Variants in AGR3 observed in about 807,000 individuals in gnomAD.
AGR3 encodes anterior gradient 3, protein disulphide isomerase family member.
Under a neutral mutation model 24.5 loss-of-function variants are expected in AGR3, and 37 were observed. That is an observed-to-expected ratio of 1.51 (90% CI 1.16 to 1.99). AGR3 has a LOEUF of 1.99. AGR3 is among the 30% of genes most tolerant of loss of function. The probability of loss-of-function intolerance (pLI) is 0.00; values close to 1 mark genes in which losing one functional copy is unlikely to be tolerated. For missense variants in AGR3, 228 were observed against 191.1 expected (o/e 1.19, Z -1.14); for synonymous variants, 75 against 61.6 (o/e 1.22, Z -1.02).
At chr7:16,858,555 T>A (rs925760237), downstream of AGR3, among the ~76,000 whole-genome samples, 1 of 152,172 alleles carries the variant, frequency 6.6e-6, no homozygotes, top group Admixed American at 6.5e-5. Context: ...ATTAAAAGTT[T>A]TAAAGTATCT....
At position 16,873,785 on chromosome 7, in the gene AGR3, T is replaced by C. The variant is rs1175606289; in HGVS notation, c.168A>G (p.Gln56=). Residue 56 remains glutamine, a synonymous_variant, in exon 3 of 8, where the codon CAA becomes CAG. Transcript: ENST00000310398. ...QTYEEGLFYA[Q]KSKKPLMVIH... is the part of the protein sequence containing the mutation. ...TGAGCTGAGAAGCATGTTACCTTTT[T>C]TGAGCATAAAAGAGACCTTCTTCAT... The C allele has an allele frequency of 6.2e-7, 1 of 1,610,818 alleles. No individual in the cohort carries two copies. The highest frequency in any genetic ancestry group is 1.1e-5 in the South Asian group (1 of 90,996).
intron 3 of AGR3, among the ~76,000 whole-genome samples, chr7:16,870,226 A>G (rs1041951824): frequency 6.6e-6 from 1 of 152,050 alleles, no homozygotes; most frequent in Admixed American, 6.6e-5. Context: ...GTTTTTCTAT[A>G]TATAAATGCA....
chr7:16,865,846 A>G, intron 3 of AGR3: 2 of 739,800 alleles, frequency 2.7e-6, no homozygotes, highest in Non-Finnish European at 2.5e-6. Context: ...CTTGAATACC[A>G]TTCTCCTTTG....
At chr7:16,856,077 A>G (rs1231650217), downstream of AGR3, among the ~76,000 whole-genome samples, 1 of 152,146 alleles carries the variant, frequency 6.6e-6, no homozygotes, top group East Asian at 1.9e-4. Flanking sequence ...CTGTTTCTCT[A>G]CTGATTTCAC....
chr7:16,856,190 A>G (rs1781553926), downstream of AGR3, among the ~76,000 whole-genome samples: 2 of 152,226 alleles, frequency 1.3e-5, no homozygotes, highest in African/African-American at 2.4e-5. Flanking sequence ...TGGATCCACA[A>G]TATCAAAGTT....
chr7:16,871,276 A>G (rs967133361), intron 3 of AGR3, among the ~76,000 whole-genome samples: 2 of 152,214 alleles, frequency 1.3e-5, no homozygotes, highest in African/African-American at 2.4e-5. Context: ...TAATGAAGAC[A>G]TTAATACAGA....
chr7:16,858,357 A>AT (rs762953009), downstream of AGR3, among the ~76,000 whole-genome samples: 4 of 152,096 alleles, frequency 2.6e-5, no homozygotes, highest in African/African-American at 9.6e-5. Context: ...TATTAGCAGG[A>AT]TTTTTTCTTC....
chr7:16,872,461 A>C (rs1280315546), intron 3 of AGR3, among the ~76,000 whole-genome samples: 2 of 152,210 alleles, frequency 1.3e-5, no homozygotes, highest in Non-Finnish European at 2.9e-5. Flanking sequence ...TCAATTCAAA[A>C]TGGACTAAAG....
chr7:16,863,838 A>G (rs759086578), intron 3 of AGR3, among the ~76,000 whole-genome samples: 7 of 151,850 alleles, frequency 4.6e-5, no homozygotes, highest in Non-Finnish European at 8.8e-5. Flanking sequence ...ACATTTGTAC[A>G]CTTATTTGCT....
At chr7:16,868,242 G>T (rs1000245303) in intron 3 of AGR3, among the ~76,000 whole-genome samples, 1 of 151,420 alleles carries the variant, frequency 6.6e-6, no homozygotes, top group Non-Finnish European at 1.5e-5. Context: ...CACAACCTCC[G>T]CCTCCCAGGT....
intron 2 of AGR3, among the ~76,000 whole-genome samples, chr7:16,877,110 A>G (rs1781998992): frequency 6.6e-6 from 1 of 151,802 alleles, no homozygotes; most frequent in Non-Finnish European, 1.5e-5. Flanking sequence ...TAATTAGCTT[A>G]GGTAAACATT....
At chr7:16,869,980 A>T (rs1315856544) in intron 3 of AGR3, among the ~76,000 whole-genome samples, 1 of 151,802 alleles carries the variant, frequency 6.6e-6, no homozygotes, top group Non-Finnish European at 1.5e-5. Flanking sequence ...ATCTTATCAC[A>T]ATTTATTGTG....
At chr7:16,873,080 C>T (rs185715844) in intron 3 of AGR3, among the ~76,000 whole-genome samples, 149 of 152,228 alleles carry the variant, frequency 9.8e-4, no homozygotes, top group African/African-American at 3.5e-3. Flanking sequence ...ACCATATGAT[C>T]CAGCTTTCCT....
At chr7:16,861,904 A>G in intron 5 of AGR3, 80 bp downstream of exon 5, 1 of 1,272,956 alleles carries the variant, frequency 7.9e-7, no homozygotes, top group Non-Finnish European at 1.1e-6. Flanking sequence ...CTGTCTAAAA[A>G]AAAAAAAAAA....
chr7:16,863,850 A>G (rs1256430909), intron 3 of AGR3, among the ~76,000 whole-genome samples: 2 of 152,034 alleles, frequency 1.3e-5, no homozygotes, highest in Non-Finnish European at 2.9e-5. Flanking sequence ...TTATTTGCTA[A>G]ACATGCTTTT....
intron 5 of AGR3, 83 bp downstream of exon 5, chr7:16,861,901 A>G (rs76968093): frequency 1.3e-5 from 6 of 446,660 alleles, no homozygotes; most frequent in African/African-American, 1.2e-4. Context: ...ACTCTGTCTA[A>G]AAAAAAAAAA....
At chr7:16,880,640 A>C (rs1782101322) in intron 1 of AGR3, among the ~76,000 whole-genome samples, 1 of 150,074 alleles carries the variant, frequency 6.7e-6, no homozygotes, top group Non-Finnish European at 1.5e-5. Context: ...CTGTTAAACA[A>C]TTATCACGGT....
At chr7:16,880,587 T>C (rs967764562) in intron 1 of AGR3, among the ~76,000 whole-genome samples, 1 of 134,016 alleles carries the variant, frequency 7.5e-6, no homozygotes, top group African/African-American at 2.7e-5. Flanking sequence ...CTCCCCTCCT[T>C]TCCCCTCCTT....
chr7:16,864,344 T>A (rs1781707804), intron 3 of AGR3: 1 of 1,352,302 alleles, frequency 7.4e-7, no homozygotes, highest in Non-Finnish European at 1.1e-6. Context: ...TGAGGCTGGC[T>A]GGCAGGCAGT....
Sources: allele counts gnomAD v4.1 joint callset (sites outside exome capture counted in the v4.1 genomes callset), GRCh38; gene constraint gnomAD v4.1.1; transcripts MANE v1.5; gene names NCBI Gene and HGNC (gene_info 2026-07-23, HGNC 2026-07-21).